Variants in PITPNC1 observed in about 807,000 individuals in gnomAD.
PITPNC1 encodes the protein phosphatidylinositol transfer protein cytoplasmic 1, also known as cytoplasmic phosphatidylinositol transfer protein 1.
PITPNC1 carries 18 observed loss-of-function variants against 44.7 expected under a neutral mutation model. The observed-to-expected ratio is 0.40, with a 90% CI of 0.28 to 0.60. PITPNC1 has a LOEUF of 0.60. PITPNC1 is among the 20% of genes least tolerant of loss of function. The probability of loss-of-function intolerance (pLI) is 0.39; values close to 1 mark genes in which losing one functional copy is unlikely to be tolerated. For missense variants in PITPNC1, 290 were observed against 418.4 expected, an observed-to-expected ratio of 0.69 and a Z score of 2.68; for synonymous variants, 141 against 149.6, an observed-to-expected ratio of 0.94 and a Z score of 0.42.
At chr17:67,615,925 G>T (rs564533484) in intron 5 of PITPNC1, among the ~76,000 whole-genome samples, 1 of 152,134 alleles carries the variant, frequency 6.6e-6, no homozygotes, top group African/African-American at 2.4e-5. Flanking sequence ...CCCAAGGGAG[G>T]CTGCAGCCCA....
intron 5 of PITPNC1, among the ~76,000 whole-genome samples, chr17:67,585,367 G>C (rs1378045801): frequency 6.6e-6 from 1 of 152,262 alleles, no homozygotes; most frequent in East Asian, 1.9e-4. Context: ...CCCACCCCAG[G>C]TTCATACGTG....
chr17:67,633,612 TAAAG>T (rs995836652), intron 6 of PITPNC1, among the ~76,000 whole-genome samples: 1 of 152,206 alleles, frequency 6.6e-6, no homozygotes, highest in African/African-American at 2.4e-5. Context: ...CATTTTAAGA[TAAAG>T]AAAGTTAAAC....
Position 67,408,729 on chromosome 17 carries a change from C to CCTTCCTTCCTTTCTTT in PITPNC1, c.48+30530_48+30531insCCTTCCTTTCTTTCTT, listed in dbSNP as rs1420868805. On this transcript the variant is annotated intron_variant, in intron 1 of 8. Coordinates refer to ENST00000581322, the MANE Select transcript of PITPNC1 (RefSeq NM_012417.4). ...TCCTTCCTTCCTTCCTTCCTTCCTT[C>CCTTCCTTCCTTTCTTT]CTTTCTTTCTTTCTCTCTTTCTTTC... 2.9e-4 allele frequency: 38 copies of CCTTCCTTCCTTTCTTT among 131,386 alleles called. 1 individual carries two copies. Among genetic ancestry groups the CCTTCCTTCCTTTCTTT allele is most frequent in the African/African-American group, 1.1e-3 (37 of 32,944 alleles). 8.1% of individuals were successfully genotyped at this position (131,386 alleles called of 1,614,324 possible). A position where few individuals can be genotyped will look rare whatever the true frequency, so the allele number is the denominator to read the frequency against.
intron 1 of PITPNC1, among the ~76,000 whole-genome samples, chr17:67,465,849 T>G (rs901542862): frequency 2.0e-5 from 3 of 151,902 alleles, no homozygotes; most frequent in Admixed American, 2.0e-4. Flanking sequence ...AGTCAAGGGA[T>G]TCTCATGGAG....
Position 67,692,961 on chromosome 17 carries a change from A to AGAG in PITPNC1, c.*74_*76dup, listed in dbSNP as rs2042956998. 10 of 977,476 alleles carry AGAG rather than the reference A, an allele frequency of 1.0e-5. No homozygotes were observed. Among genetic ancestry groups the AGAG allele is most frequent in the Non-Finnish European group, 1.4e-5 (9 of 642,396 alleles). 60.6% of individuals were successfully genotyped at this position (977,476 alleles called of 1,614,324 possible). ...TGTTTTTTTTTAAGAATCTTCTGATAGAGAAAAAGACTGCTTTGTCACTCA... is the reference window on the plus strand; with the variant it reads ...TGTTTTTTTTTAAGAATCTTCTGATAGAGGAGAAAAAGACTGCTTTGTCACTCA... On this transcript the variant is annotated 3_prime_UTR_variant, in exon 9 of 9. Coordinates refer to ENST00000581322, the MANE Select transcript of PITPNC1 (RefSeq NM_012417.4).
chr17:67,602,822 G>A lies in PITPNC1; in HGVS notation c.366+24565G>A, dbSNP rs988889339. 3.3e-5 allele frequency among the ~76,000 whole-genome samples: 5 copies of A among 152,038 alleles called. 1 individual carries two copies. Among genetic ancestry groups the A allele is most frequent in the South Asian group, 2.1e-4 (1 of 4,822 alleles). On this transcript the variant is annotated intron_variant, in intron 5 of 8. Transcript: ENST00000581322. ...TACAACCTTGGTTCACTGCAACCTC[G>A]ACCTCCTGGACTCAGGTGATCCTCC...
At chr17:67,498,050 C>T (rs892790721) in intron 1 of PITPNC1, among the ~76,000 whole-genome samples, 4 of 150,352 alleles carry the variant, frequency 2.7e-5, no homozygotes, top group African/African-American at 4.9e-5. Flanking sequence ...TTGGAAGAGA[C>T]GGGGTTTGGA....
At chr17:67,487,477 C>T (rs2039796921) in intron 1 of PITPNC1, among the ~76,000 whole-genome samples, 1 of 152,072 alleles carries the variant, frequency 6.6e-6, no homozygotes, top group Non-Finnish European at 1.5e-5. Flanking sequence ...ACCCAGCCTC[C>T]TTTTTGTTAT....
chr17:67,547,191 C>T (rs1432377508), intron 2 of PITPNC1, among the ~76,000 whole-genome samples: 6 of 152,128 alleles, frequency 3.9e-5, no homozygotes, highest in Admixed American at 1.3e-4. Flanking sequence ...AAGAAAATTC[C>T]AGGACTGTCT....
chr17:67,439,063 T>C (rs1410893722), intron 1 of PITPNC1, among the ~76,000 whole-genome samples: 1 of 152,224 alleles, frequency 6.6e-6, no homozygotes, highest in Non-Finnish European at 1.5e-5. Flanking sequence ...GCCACAAGTT[T>C]CTGGTTGGTT....
intron 1 of PITPNC1, among the ~76,000 whole-genome samples, chr17:67,514,769 TGA>T (rs779155902): frequency 1.3e-5 from 2 of 152,032 alleles, no homozygotes; most frequent in Non-Finnish European, 2.9e-5. Context: ...GAGGTTGCAG[TGA>T]GTCGAGATTG....
At chr17:67,494,559 C>A (rs2039917235) in intron 1 of PITPNC1, among the ~76,000 whole-genome samples, 1 of 152,084 alleles carries the variant, frequency 6.6e-6, no homozygotes, top group South Asian at 2.1e-4. Context: ...TATCAATGAA[C>A]TAAATCCCCA....
At chr17:67,634,314 C>T (rs1288108781) in intron 6 of PITPNC1, among the ~76,000 whole-genome samples, 4 of 152,178 alleles carry the variant, frequency 2.6e-5, no homozygotes, top group Admixed American at 2.6e-4. Context: ...TGGTGCCTCA[C>T]GCCTGTAATC....
intron 6 of PITPNC1, among the ~76,000 whole-genome samples, chr17:67,636,800 C>T (rs1203402338): frequency 2.0e-5 from 3 of 152,056 alleles, no homozygotes; most frequent in Non-Finnish European, 4.4e-5. Context: ...GAGGAACAAC[C>T]GATTCAGAAG....
intron 1 of PITPNC1, among the ~76,000 whole-genome samples, chr17:67,401,854 A>AAAAG (rs2038319066): frequency 6.6e-6 from 1 of 151,754 alleles, no homozygotes; most frequent in Non-Finnish European, 1.5e-5. Context: ...AAGAAAAAAA[A>AAAAG]AAAAGAAAAG....
intron 1 of PITPNC1, among the ~76,000 whole-genome samples, chr17:67,494,706 C>T (rs555457464): frequency 3.9e-5 from 6 of 152,208 alleles, no homozygotes; most frequent in African/African-American, 1.4e-4. Flanking sequence ...TGCAGTGGCT[C>T]ACGCCTGTAA....
At chr17:67,461,843 T>C (rs2039342907) in intron 1 of PITPNC1, among the ~76,000 whole-genome samples, 1 of 152,082 alleles carries the variant, frequency 6.6e-6, no homozygotes, top group Admixed American at 6.6e-5. Context: ...AAAACTTAGA[T>C]TTTTGGACCT....
At chr17:67,622,256 C>CAAAAAAA (rs536282843) in intron 5 of PITPNC1, among the ~76,000 whole-genome samples, 1 of 91,764 alleles carries the variant, frequency 1.1e-5, no homozygotes. Context: ...GACTGCATCT[C>CAAAAAAA]AAAAAAAAAA....
intron 1 of PITPNC1, chr17:67,379,067 C>T (rs1161556544): frequency 2.0e-6 from 2 of 985,572 alleles, no homozygotes; most frequent in African/African-American, 3.5e-5. Context: ...CCGGCCCCGG[C>T]TTCCCTTTCT....
Sources: gnomAD v4.1 joint callset for allele counts (sites outside exome capture counted in the v4.1 genomes callset) on GRCh38, gnomAD v4.1.1 for gene constraint, MANE v1.5 for transcripts, NCBI Gene and HGNC (gene_info 2026-07-23, HGNC 2026-07-21) for gene names.